RBMS1: variants seen among roughly 807,000 people sequenced by gnomAD.
RBMS1 encodes RNA-binding motif, single-stranded-interacting protein 1.
Under a neutral mutation model 62.3 loss-of-function variants are expected in RBMS1, and 17 were observed. The observed-to-expected ratio is 0.27, with a 90% CI of 0.19 to 0.41. The LOEUF is 0.41. Ranked by LOEUF, RBMS1 falls within the 10% of genes least tolerant of loss-of-function variation. The pLI, the probability that RBMS1 is intolerant of heterozygous loss-of-function variation, is 1.00. For missense variants in RBMS1, 334 were observed against 504.5 expected (o/e 0.66, Z 3.24); for synonymous variants, 172 against 170.0 (o/e 1.01, Z -0.09).
At chr2:160,314,228 T>C (rs1002142582) in intron 3 of RBMS1, among the ~76,000 whole-genome samples, 3 of 152,182 alleles carry the variant, frequency 2.0e-5, no homozygotes, top group African/African-American at 7.2e-5. Context: ...CGTATCAAAA[T>C]AGAGAATCAC....
At chr2:160,299,353 GT>G (rs1689096124) in intron 6 of RBMS1, among the ~76,000 whole-genome samples, 1 of 152,164 alleles carries the variant, frequency 6.6e-6, no homozygotes. Flanking sequence ...CATAGTTTTT[GT>G]TCACTGAATC....
chr2:160,314,080 C>T (rs1305510594), intron 3 of RBMS1, among the ~76,000 whole-genome samples: 1 of 152,022 alleles, frequency 6.6e-6, no homozygotes, highest in Admixed American at 6.6e-5. Context: ...AGGTCTGCTA[C>T]AAAGTAAGTA....
In RBMS1 at chr2:160,278,641, G is replaced by C. The variant is rs551022592; in HGVS notation, c.969C>G (p.Pro323=). ...ILQHPGAVLT[P]SMEHTMSLQP... is the part of the protein sequence containing the mutation. ...GTAGTGACATGGTGTGCTCCATTGA[G>C]GGAGTTAACACGGCACCCTGGGGAG... is the stretch of plus-strand genomic sequence containing the variant. Residue 323 remains proline, a synonymous_variant, in exon 11 of 14, where the codon CCC becomes CCG. Transcript: ENST00000348849. 6.2e-7 allele frequency: 1 copy of C among 1,612,856 alleles called. No individual in the cohort carries two copies. The highest frequency in any genetic ancestry group is 8.5e-7 in the Non-Finnish European group (1 of 1,179,460).
At chr2:160,343,816 T>C (rs1692026336) in intron 2 of RBMS1, among the ~76,000 whole-genome samples, 1 of 152,202 alleles carries the variant, frequency 6.6e-6, no homozygotes, top group South Asian at 2.1e-4. Context: ...CTACTTTTGA[T>C]GCGTTATTAA....
At chr2:160,278,238 C>T (rs763578171) in intron 11 of RBMS1, 14 of 341,178 alleles carry the variant, frequency 4.1e-5, no homozygotes, top group African/African-American at 1.5e-4. Context: ...CTTCGTCTTT[C>T]GCTTCATGAC....
chr2:160,331,423 T>A (rs1357221721), intron 2 of RBMS1, among the ~76,000 whole-genome samples: 1 of 152,192 alleles, frequency 6.6e-6, no homozygotes, highest in Non-Finnish European at 1.5e-5. Context: ...GCCCATGGCA[T>A]CCTGTCCACG....
chr2:160,438,763 T>C (rs1683233470), intron 1 of RBMS1, among the ~76,000 whole-genome samples: 1 of 152,158 alleles, frequency 6.6e-6, no homozygotes, highest in Non-Finnish European at 1.5e-5. Context: ...CCGTTCTCAA[T>C]GAGCTGTTGG....
rs558683758 is a variant in RBMS1 at position 160,423,513 on chromosome 2, T to C, written c.76-56122A>G. 7.2e-5 allele frequency among the ~76,000 whole-genome samples: 11 copies of C among 152,288 alleles called. No homozygotes were observed. In the South Asian group the frequency reaches 2.3e-3, roughly 32 times the overall value. On this transcript the variant is annotated intron_variant, in intron 1 of 13. Transcript: ENST00000348849. The stretch of plus-strand genomic sequence containing the variant: ...CATTCCAGATACAGACCACTATAAC[T>C]TGGCTTCTGACTCCCACTTGTCCCC...
At position 160,292,576 on chromosome 2, in the gene RBMS1, T is replaced by C. The variant is rs141335824; in HGVS notation, c.641-5492A>G. Among the ~76,000 whole-genome samples the C allele has an allele frequency of 2.3e-3, 349 of 152,318 alleles. 1 individual carries two copies. Among genetic ancestry groups the C allele is most frequent in the Non-Finnish European group, 3.4e-3 (230 of 68,022 alleles). ...ACAGAATGAAGAAATGTTGAAGTTATAGTTAAGGATAAAGTTACTGGTCAA... is the reference window on the plus strand; with the variant it reads ...ACAGAATGAAGAAATGTTGAAGTTACAGTTAAGGATAAAGTTACTGGTCAA... On this transcript the variant is annotated intron_variant, in intron 6 of 13. Coordinates refer to ENST00000348849, the MANE Select transcript of RBMS1 (RefSeq NM_016836.4).
At chr2:160,393,081 T>C (rs910716449) in intron 1 of RBMS1, among the ~76,000 whole-genome samples, 13 of 152,194 alleles carry the variant, frequency 8.5e-5, no homozygotes, top group African/African-American at 2.9e-4. Context: ...CTATTCTAAT[T>C]TAGTATCCTA....
intron 2 of RBMS1, among the ~76,000 whole-genome samples, chr2:160,362,692 C>T (rs902732020): frequency 3.9e-5 from 6 of 152,220 alleles, no homozygotes; most frequent in South Asian, 2.1e-4. Context: ...CAAAATGTGA[C>T]GCAGAGACAT....
At chr2:160,426,808 G>C (rs999807663) in intron 1 of RBMS1, among the ~76,000 whole-genome samples, 1 of 152,144 alleles carries the variant, frequency 6.6e-6, no homozygotes, top group Non-Finnish European at 1.5e-5. Context: ...GGTCACAGTG[G>C]CCTCTCTTTA....
At chr2:160,338,540 A>G (rs765210740) in intron 2 of RBMS1, among the ~76,000 whole-genome samples, 87 of 152,162 alleles carry the variant, frequency 5.7e-4, no homozygotes, top group Admixed American at 1.8e-3. Context: ...CATCTCCCCA[A>G]CCAAATCTGG....
At chr2:160,365,996 A>G (rs1447632758) in intron 2 of RBMS1, among the ~76,000 whole-genome samples, 1 of 152,214 alleles carries the variant, frequency 6.6e-6, no homozygotes, top group Non-Finnish European at 1.5e-5. Flanking sequence ...TCACTGCCCC[A>G]AAAGCCAAGG....
chr2:160,401,974 T>G lies in RBMS1; in HGVS notation c.76-34583A>C, dbSNP rs1004749980. On this transcript the variant is annotated intron_variant, in intron 1 of 13. Coordinates refer to ENST00000348849, the MANE Select transcript of RBMS1 (RefSeq NM_016836.4). ...TTCAACCTCAGGTCCTTACCCTTTT[T>G]CAGGCTGCCCCTCATTCTAAACACA... 4.9e-4 allele frequency: 74 copies of G among 152,310 alleles called. 1 individual carries two copies. The highest frequency in any genetic ancestry group is 1.4e-3 in the African/African-American group (59 of 41,558). The allele number at this position is 152,310 out of a possible 1,614,324, so 9.4% of individuals were successfully genotyped here. A position where few individuals can be genotyped will look rare whatever the true frequency, so the allele number is the denominator to read the frequency against.
intron 2 of RBMS1, among the ~76,000 whole-genome samples, chr2:160,330,602 G>A (rs1691211005): frequency 6.7e-6 from 1 of 149,540 alleles, no homozygotes; most frequent in Admixed American, 6.8e-5. Flanking sequence ...GCCTTGGCTT[G>A]TTCACATGAA....
intron 1 of RBMS1, among the ~76,000 whole-genome samples, chr2:160,449,011 G>C: frequency 6.8e-6 from 1 of 146,142 alleles, no homozygotes; most frequent in Admixed American, 6.8e-5. Context: ...TGAGGAGTGT[G>C]TCTGCCCGGC....
At chr2:160,300,626 A>G in intron 6 of RBMS1, 25 bp downstream of exon 6, 1 of 1,579,152 alleles carries the variant, frequency 6.3e-7, no homozygotes, top group Non-Finnish European at 8.6e-7. Flanking sequence ...AAGACTACTG[A>G]TGAAGTTTCA....
chr2:160,430,196 G>A (rs761544495), intron 1 of RBMS1, among the ~76,000 whole-genome samples: 3 of 152,142 alleles, frequency 2.0e-5, no homozygotes, highest in Admixed American at 1.3e-4. Context: ...GAGCCACCCA[G>A]CTGATCCCAG....
Sources: allele counts gnomAD v4.1 joint callset (sites outside exome capture counted in the v4.1 genomes callset), GRCh38; gene constraint gnomAD v4.1.1; transcripts MANE v1.5; gene names NCBI Gene and HGNC (gene_info 2026-07-23, HGNC 2026-07-21).